The following WWC1 variants were observed in gnomAD, a reference collection of about 807,000 sequenced individuals.
The protein encoded by WWC1 is protein KIBRA.
A neutral mutation model predicts 138.4 loss-of-function variants in WWC1; 55 were observed. The ratio of observed to expected loss-of-function variants is 0.40; its 90% CI spans 0.32 to 0.50. The LOEUF (loss-of-function observed/expected upper bound fraction) is 0.50. Ranked by LOEUF, WWC1 falls within the 20% of genes least tolerant of loss-of-function variation. The pLI is 0.72. For missense variants in WWC1, 1,226 were observed against 1,420.4 expected (o/e 0.86, Z 2.20); for synonymous variants, 524 against 564.9 (o/e 0.93, Z 1.03).
At chr5:168,437,413 ATTTCTC>A (rs1754337912) in intron 15 of WWC1, among the ~76,000 whole-genome samples, 2 of 152,282 alleles carry the variant, frequency 1.3e-5, no homozygotes, top group Admixed American at 1.3e-4. Flanking sequence ...ATTGGCAACT[ATTTCTC>A]TTTCTTGGTG....
At chr5:168,456,694 G>C (rs72830939) in intron 19 of WWC1, among the ~76,000 whole-genome samples, 3 of 106,806 alleles carry the variant, frequency 2.8e-5, no homozygotes, top group Non-Finnish European at 3.5e-5. Context: ...ATAATGCTCC[G>C]CCAATTTTTT....
At chr5:168,394,877 G>T (rs1778774282) in intron 3 of WWC1, among the ~76,000 whole-genome samples, 1 of 152,170 alleles carries the variant, frequency 6.6e-6, no homozygotes, top group Non-Finnish European at 1.5e-5. Context: ...CATGATGTGT[G>T]CACTTCTATG....
At chr5:168,463,119 C>T (rs1756964630) in intron 20 of WWC1, among the ~76,000 whole-genome samples, 1 of 152,182 alleles carries the variant, frequency 6.6e-6, no homozygotes, top group Admixed American at 6.5e-5. Context: ...TCTATTGCTG[C>T]ATAATAAATC....
intron 1 of WWC1, among the ~76,000 whole-genome samples, chr5:168,326,220 T>C (rs1015167493): frequency 2.7e-5 from 4 of 147,998 alleles, no homozygotes; most frequent in African/African-American, 7.7e-5. Flanking sequence ...GATAGTCTTT[T>C]TTTTTTTTTT....
At chr5:168,456,908 A>G (rs1448646469) in intron 19 of WWC1, among the ~76,000 whole-genome samples, 1 of 152,184 alleles carries the variant, frequency 6.6e-6, no homozygotes, top group Non-Finnish European at 1.5e-5. Context: ...TTTTCCACCT[A>G]TAGACTCAAG....
Position 168,385,457 on chromosome 5 carries a change from A to T in WWC1, c.433+43A>T, listed in dbSNP as rs1483894643. On this transcript the variant is annotated intron_variant, in intron 3 of 22. Coordinates refer to ENST00000265293, the MANE Select transcript of WWC1 (RefSeq NM_015238.3). The stretch of plus-strand genomic sequence containing the variant: ...CCACCACCCCCACCGACACCAACAG[A>T]GAATGGCCACACTGAGTTCTGCCAA... 1.9e-6 allele frequency: 3 copies of T among 1,591,566 alleles called. No homozygotes were observed. The Admixed American group carries it at 5.1e-5, about 27-fold the overall frequency.
At chr5:168,342,459 C>G (rs1774113623) in intron 1 of WWC1, among the ~76,000 whole-genome samples, 2 of 152,312 alleles carry the variant, frequency 1.3e-5, no homozygotes, top group South Asian at 4.1e-4. Context: ...TGGAAGCTCA[C>G]AGTTCAGCCA....
intron 3 of WWC1, among the ~76,000 whole-genome samples, chr5:168,395,980 TGC>T (rs1263295326): frequency 5.3e-5 from 8 of 152,372 alleles, no homozygotes; most frequent in Middle Eastern, 3.4e-3. Flanking sequence ...ATGACTGTCA[TGC>T]CTACCTCCAG....
chr5:168,414,643 C>T, intron 9 of WWC1, 53 bp downstream of exon 9: 1 of 1,495,262 alleles, frequency 6.7e-7, no homozygotes, highest in South Asian at 1.4e-5. Context: ...GGCAGTCTGT[C>T]CTCAGCCCCC....
At chr5:168,431,596 T>C in intron 15 of WWC1, 152 bp downstream of exon 15, 2 of 876,870 alleles carry the variant, frequency 2.3e-6, no homozygotes, top group East Asian at 2.9e-5. Flanking sequence ...ATCAGGCTCA[T>C]CTTGGATTCT....
At chr5:168,431,554 A>G (rs367825365) in intron 15 of WWC1, 110 bp downstream of exon 15, 23 of 1,242,020 alleles carry the variant, frequency 1.9e-5, no homozygotes, top group South Asian at 1.1e-4. Flanking sequence ...CTTCAGGAAG[A>G]AGGTTCGAAG....
At chr5:168,430,910 G>A (rs1781884941) in intron 14 of WWC1, among the ~76,000 whole-genome samples, 1 of 152,202 alleles carries the variant, frequency 6.6e-6, no homozygotes. Flanking sequence ...CAAAACGGAA[G>A]GAAGACAAGA....
In WWC1 at chr5:168,470,189, G is replaced by A. The variant is rs530207620; in HGVS notation, c.*1172G>A. The stretch of plus-strand genomic sequence containing the variant: ...ATCAGAAGTCAGTTTCTAACAAATA[G>A]CAACAGCCACAAATCTCTTCCTCCT... On this transcript the variant is annotated 3_prime_UTR_variant, in exon 23 of 23. Transcript: ENST00000265293. 6.6e-6 allele frequency: 1 copy of A among 152,308 alleles called. No individual in the cohort carries two copies. Among genetic ancestry groups the A allele is most frequent in the East Asian group, 1.9e-4 (1 of 5,184 alleles). 9.4% of individuals were successfully genotyped at this position (152,308 alleles called of 1,614,324 possible).
intron 21 of WWC1, among the ~76,000 whole-genome samples, chr5:168,466,691 A>AG (rs1757324181): frequency 6.6e-6 from 1 of 152,242 alleles, no homozygotes; most frequent in African/African-American, 2.4e-5. Flanking sequence ...GAAAATTGGA[A>AG]GGCTTGAAGG....
Position 168,422,100 on chromosome 5 carries a change from G to A in WWC1, c.1274+3G>A. 1 of 1,612,578 alleles carries A rather than the reference G, an allele frequency of 6.2e-7. No homozygotes were observed. Among genetic ancestry groups the A allele is most frequent in the Non-Finnish European group, 8.5e-7 (1 of 1,179,210 alleles). On this transcript the variant is annotated splice_donor_region_variant and intron_variant, in intron 10 of 22. Coordinates refer to ENST00000265293, the MANE Select transcript of WWC1 (RefSeq NM_015238.3). ...ACTCTGCACTCCCAGCTGAAAAGGT[G>A]AGTGGTGGGCGGTGAGGCCACTGCT...
chr5:168,425,260 T>C (rs1781415437), intron 11 of WWC1, among the ~76,000 whole-genome samples: 1 of 152,120 alleles, frequency 6.6e-6, no homozygotes, highest in African/African-American at 2.4e-5. Context: ...CAACTCCTGG[T>C]GCTTGGGGCC....
At chr5:168,376,500 G>A (rs757655871) in intron 2 of WWC1, among the ~76,000 whole-genome samples, 13 of 152,148 alleles carry the variant, frequency 8.5e-5, no homozygotes, top group South Asian at 2.1e-4. Context: ...ATCTCTCTTC[G>A]CTGATGATTT....
intron 1 of WWC1, among the ~76,000 whole-genome samples, chr5:168,295,738 G>C (rs1309362326): frequency 1.3e-5 from 2 of 152,160 alleles, no homozygotes; most frequent in Non-Finnish European, 2.9e-5. Context: ...AGGAGCTGCT[G>C]GGGGTAGGGA....
intron 3 of WWC1, among the ~76,000 whole-genome samples, chr5:168,396,453 A>G (rs1002994254): frequency 6.6e-6 from 1 of 152,234 alleles, no homozygotes; most frequent in Non-Finnish European, 1.5e-5. Flanking sequence ...TGAACAGGAA[A>G]GAGTGTTCAG....
Sources: gnomAD v4.1 joint callset for allele counts (sites outside exome capture counted in the v4.1 genomes callset) on GRCh38, gnomAD v4.1.1 for gene constraint, MANE v1.5 for transcripts, NCBI Gene and HGNC (gene_info 2026-07-23, HGNC 2026-07-21) for gene names.